The following TEX26 variants were observed in gnomAD, a reference collection of about 807,000 sequenced individuals.
The protein encoded by TEX26 is testis-expressed protein 26.
Under a neutral mutation model 35.3 loss-of-function variants are expected in TEX26, and 34 were observed. The ratio of observed to expected loss-of-function variants is 0.96; its 90% confidence interval spans 0.73 to 1.28. The LOEUF is 1.28. Among genes scored for constraint, TEX26 ranks in the 50% most tolerant of loss-of-function variants. TEX26 has a pLI of 0.00. For synonymous variants in TEX26, 136 were observed against 111.8 expected, an observed-to-expected ratio of 1.22 and a Z score of -1.36; for missense variants, 371 against 330.1, an observed-to-expected ratio of 1.12 and a Z score of -0.96.
chr13:30,953,022 T>A (rs940457285), intron 3 of TEX26, among the ~76,000 whole-genome samples, 197 bp downstream of exon 3: 7 of 152,170 alleles, frequency 4.6e-5, no homozygotes, highest in African/African-American at 7.2e-5. Context: ...GAGTTTTTTT[T>A]AAAAAAGGAC....
intron 1 of TEX26, among the ~76,000 whole-genome samples, chr13:30,938,322 C>A (rs137906984): frequency 6.6e-6 from 1 of 152,260 alleles, no homozygotes; most frequent in Non-Finnish European, 1.5e-5. Context: ...AGTCCATTTT[C>A]TGTTGTTGTT....
intron 4 of TEX26, among the ~76,000 whole-genome samples, chr13:30,959,363 C>T (rs1229399474): frequency 6.6e-6 from 1 of 152,140 alleles, no homozygotes; most frequent in African/African-American, 2.4e-5. Context: ...TACTGCTCCT[C>T]TTCATTCATG....
chr13:30,952,799 A>C lies in TEX26; in HGVS notation c.286A>C (p.Lys96Gln). 6.2e-7 allele frequency: 1 copy of C among 1,613,112 alleles called. No individual in the cohort carries two copies. The highest frequency in any genetic ancestry group is 8.5e-7 in the Non-Finnish European group (1 of 1,179,554). The change falls in exon 3 of 7, where the codon AAG becomes CAG. Residue 96 changes from lysine to glutamine, a missense_variant. Lys to Gln is a moderately conservative substitution (Grantham distance 53). Transcript: ENST00000380473. ...CAAAACTGAGACTTCAAGAGGAATCAAGAGCCACAAATCTCATCTCAATGA... is the reference window on the plus strand; with the variant it reads ...CAAAACTGAGACTTCAAGAGGAATCCAGAGCCACAAATCTCATCTCAATGA... ...LIKTETSRGI[K>Q]SHKSHLNEDI...
intron 2 of TEX26, among the ~76,000 whole-genome samples, chr13:30,940,494 T>A (rs1056225593): frequency 6.6e-6 from 1 of 151,320 alleles, no homozygotes; most frequent in Non-Finnish European, 1.5e-5. Flanking sequence ...CCACCACACC[T>A]GGCTAATTTT....
chr13:30,946,260 C>T (rs76378137), intron 2 of TEX26, among the ~76,000 whole-genome samples: 18 of 151,808 alleles, frequency 1.2e-4, no homozygotes, highest in African/African-American at 2.9e-4. Context: ...CACTGCATTT[C>T]GTCATTCCCT....
intron 2 of TEX26, among the ~76,000 whole-genome samples, chr13:30,940,470 A>T (rs1870917227): frequency 1.3e-5 from 2 of 151,140 alleles, no homozygotes; most frequent in Non-Finnish European, 2.9e-5. Context: ...AGTAGCTGGG[A>T]CTACAGGCGC....
chr13:30,971,988 A>G (rs190129832), intron 6 of TEX26, among the ~76,000 whole-genome samples: 15 of 152,362 alleles, frequency 9.8e-5, no homozygotes, highest in Admixed American at 7.8e-4. Context: ...GTATTTACTC[A>G]AGAAATGCTC....
At chr13:30,962,649 C>A (rs1478906204) in intron 4 of TEX26, among the ~76,000 whole-genome samples, 1 of 152,150 alleles carries the variant, frequency 6.6e-6, no homozygotes, top group Non-Finnish European at 1.5e-5. Context: ...AGCTTTTTAT[C>A]CTCATTATGG....
intron 2 of TEX26, among the ~76,000 whole-genome samples, chr13:30,943,727 T>C (rs1382533852): frequency 6.6e-6 from 1 of 152,092 alleles, no homozygotes; most frequent in Non-Finnish European, 1.5e-5. Context: ...AATGATCATA[T>C]GATTTTTGTT....
At chr13:30,958,205 T>C (rs1173622101) in intron 4 of TEX26, among the ~76,000 whole-genome samples, 1 of 152,232 alleles carries the variant, frequency 6.6e-6, no homozygotes, top group African/African-American at 2.4e-5. Context: ...AGCTTCCATG[T>C]CTCAGGGGGT....
chr13:30,972,462 ATATAAATTCTTTGC>A (rs1348896569), intron 6 of TEX26, among the ~76,000 whole-genome samples: 2 of 152,164 alleles, frequency 1.3e-5, no homozygotes, highest in Non-Finnish European at 2.9e-5. Flanking sequence ...TCTTATTTTA[ATATAAATTCTTTGC>A]TATAAATTCT....
chr13:30,958,649 C>A (rs376010994), intron 4 of TEX26, among the ~76,000 whole-genome samples: 1 of 152,170 alleles, frequency 6.6e-6, no homozygotes, highest in East Asian at 1.9e-4. Flanking sequence ...ACCATCAATC[C>A]CTGTGAGCTG....
At chr13:30,947,858 T>C (rs1379922887) in intron 2 of TEX26, among the ~76,000 whole-genome samples, 1 of 152,114 alleles carries the variant, frequency 6.6e-6, no homozygotes, top group Non-Finnish European at 1.5e-5. Flanking sequence ...CATTTAGCAT[T>C]AGGTATATCT....
At chr13:30,932,901 C>G (rs746167020) in intron 1 of TEX26, 125 bp downstream of exon 1, 2 of 1,052,642 alleles carry the variant, frequency 1.9e-6, no homozygotes, top group Non-Finnish European at 1.4e-6. Context: ...GTATGCTCAA[C>G]TGAGGAAAAG....
At chr13:30,952,434 T>C (rs1056914583) in intron 2 of TEX26, among the ~76,000 whole-genome samples, 2 of 152,242 alleles carry the variant, frequency 1.3e-5, no homozygotes, top group Non-Finnish European at 2.9e-5. Context: ...CATATTGTTA[T>C]GTTTTTAAAT....
At chr13:30,943,471 A>G (rs566340520) in intron 2 of TEX26, among the ~76,000 whole-genome samples, 14 of 152,152 alleles carry the variant, frequency 9.2e-5, no homozygotes, top group African/African-American at 3.1e-4. Context: ...CTCTTGCTTG[A>G]TTGGTCTGGC....
At chr13:30,966,125 A>G (rs1339292346) in intron 4 of TEX26, 97 bp from the exon 5 acceptor site, 1 of 1,276,518 alleles carries the variant, frequency 7.8e-7, no homozygotes, top group Non-Finnish European at 1.1e-6. Flanking sequence ...GTGTTCATAC[A>G]GGGCACATTG....
intron 2 of TEX26, among the ~76,000 whole-genome samples, chr13:30,940,831 G>T (rs112573829): frequency 0.12 from 17,533 of 151,866 alleles, 1,083 homozygotes; most frequent in Admixed American, 0.13. Context: ...CCAGCTACTC[G>T]GGAGGCAGAG....
intron 1 of TEX26, among the ~76,000 whole-genome samples, chr13:30,935,081 C>A (rs1332763862): frequency 6.6e-6 from 1 of 152,240 alleles, no homozygotes; most frequent in Admixed American, 6.5e-5. Context: ...ACCCTTCACC[C>A]ATCCATCCCT....
Sources: gnomAD v4.1 joint callset for allele counts (sites outside exome capture counted in the v4.1 genomes callset) on GRCh38, gnomAD v4.1.1 for gene constraint, MANE v1.5 for transcripts, NCBI Gene and HGNC (gene_info 2026-07-23, HGNC 2026-07-21) for gene names.